CA10: variants seen among roughly 807,000 people sequenced by gnomAD.
CA10 encodes the protein carbonic anhydrase-related protein 10.
A neutral mutation model predicts 44.2 loss-of-function variants in CA10; 14 were observed. The observed-to-expected ratio is 0.32, with a 90% confidence interval of 0.21 to 0.50. CA10 has a LOEUF of 0.50. Among genes scored for constraint, CA10 ranks in the 20% least tolerant of loss-of-function variants. The pLI is 0.99. For synonymous variants in CA10, 159 were observed against 141.6 expected, an observed-to-expected ratio of 1.12 and a Z score of -0.87; for missense variants, 350 against 409.7, an observed-to-expected ratio of 0.85 and a Z score of 1.26.
At chr17:51,661,108 T>C (rs1913991699) in intron 4 of CA10, among the ~76,000 whole-genome samples, 1 of 152,182 alleles carries the variant, frequency 6.6e-6, no homozygotes, top group African/African-American at 2.4e-5. Context: ...ATTCGTTGTG[T>C]GACTGATGAA....
At chr17:51,677,316 C>T (rs147681272) in intron 4 of CA10, among the ~76,000 whole-genome samples, 281 of 152,140 alleles carry the variant, frequency 1.8e-3, no homozygotes, top group Middle Eastern at 3.4e-3. Flanking sequence ...CACTGTGGGC[C>T]GTTCTTGTGA....
At chr17:51,922,676 C>T (rs992957872) in intron 3 of CA10, among the ~76,000 whole-genome samples, 1 of 152,096 alleles carries the variant, frequency 6.6e-6, no homozygotes, top group African/African-American at 2.4e-5. Context: ...GATTCTATCA[C>T]CATAATCTTA....
intron 3 of CA10, among the ~76,000 whole-genome samples, chr17:51,807,529 G>T (rs1299353568): frequency 6.6e-6 from 1 of 152,138 alleles, no homozygotes; most frequent in Non-Finnish European, 1.5e-5. Flanking sequence ...ACACTTAAAT[G>T]CTTATATCTG....
At chr17:51,909,538 G>A (rs1312838271) in intron 3 of CA10, among the ~76,000 whole-genome samples, 1 of 152,108 alleles carries the variant, frequency 6.6e-6, no homozygotes, top group Non-Finnish European at 1.5e-5. Context: ...GAAATAAAAA[G>A]CAATCCTTTA....
chr17:51,929,592 C>T (rs996804767), intron 3 of CA10, among the ~76,000 whole-genome samples: 6 of 152,152 alleles, frequency 3.9e-5, no homozygotes, highest in Admixed American at 3.9e-4. Context: ...TTATCCCCTA[C>T]ATCACCCTCT....
intron 1 of CA10, chr17:52,134,954 C>A: frequency 1.9e-6 from 1 of 519,064 alleles, no homozygotes; most frequent in South Asian, 1.4e-5. Flanking sequence ...CTGATGCTGG[C>A]CATTGCTCTC....
chr17:51,879,162 T>G (rs1980249783), intron 3 of CA10, among the ~76,000 whole-genome samples: 1 of 151,968 alleles, frequency 6.6e-6, no homozygotes, highest in Non-Finnish European at 1.5e-5. Context: ...TATCAGTTGG[T>G]TATCACACTT....
intron 2 of CA10, among the ~76,000 whole-genome samples, chr17:52,060,008 T>A (rs749004956): frequency 6.6e-6 from 1 of 152,192 alleles, no homozygotes; most frequent in Non-Finnish European, 1.5e-5. Flanking sequence ...CAACTAAAGA[T>A]CAATCTCTAG....
At chr17:51,875,667 A>T (rs1980037174) in intron 3 of CA10, among the ~76,000 whole-genome samples, 2 of 151,958 alleles carry the variant, frequency 1.3e-5, no homozygotes, top group South Asian at 2.1e-4. Flanking sequence ...AAAGTTATTT[A>T]TATTACTAAA....
At position 52,043,888 on chromosome 17, in the gene CA10, T is replaced by C. The variant is rs182179886; in HGVS notation, c.136+28431A>G. Among the ~76,000 whole-genome samples the C allele has an allele frequency of 1.6e-3, 245 of 152,246 alleles. 1 individual carries two copies. The highest frequency in any genetic ancestry group is 5.8e-3 in the African/African-American group (241 of 41,558). On this transcript the variant is annotated intron_variant, in intron 2 of 8. Transcript: ENST00000451037. Reference sequence around the variant, plus strand: ...CTTCTGTATGTTAAACCATCCTTACTTTCCAGTGATAAATCCTACTTGATC... The same window carrying C: ...CTTCTGTATGTTAAACCATCCTTACCTTCCAGTGATAAATCCTACTTGATC...
chr17:51,970,028 T>C (rs115418602), intron 2 of CA10, among the ~76,000 whole-genome samples: 75 of 152,108 alleles, frequency 4.9e-4, no homozygotes, highest in African/African-American at 1.8e-3. Flanking sequence ...AAAGAATAGC[T>C]AGCTCAAGGA....
chr17:51,981,357 C>T (rs950336489), intron 2 of CA10, among the ~76,000 whole-genome samples: 1 of 151,830 alleles, frequency 6.6e-6, no homozygotes, highest in Non-Finnish European at 1.5e-5. Flanking sequence ...AAGCAAAGAT[C>T]GATTGACACA....
chr17:51,821,055 CCCTCCCTCTCTCCCTT>C (rs1907770072), intron 3 of CA10, among the ~76,000 whole-genome samples: 1 of 111,898 alleles, frequency 8.9e-6, no homozygotes, highest in Admixed American at 8.8e-5. Flanking sequence ...CTCCCTCCCT[CCCTCCCTCTCTCCCTT>C]CCTTCCTCCC....
chr17:51,877,021 G>A (rs1379467748), intron 3 of CA10, among the ~76,000 whole-genome samples: 1 of 152,214 alleles, frequency 6.6e-6, no homozygotes, highest in African/African-American at 2.4e-5. Context: ...CTCCTCACTT[G>A]AGAAAGTTTC....
chr17:51,845,028 G>T (rs1461288126), intron 3 of CA10, among the ~76,000 whole-genome samples: 1 of 152,150 alleles, frequency 6.6e-6, no homozygotes. Flanking sequence ...ATATTGGAAT[G>T]ATGCATTTAC....
chr17:51,830,992 A>G (rs1908219910), intron 3 of CA10, among the ~76,000 whole-genome samples: 1 of 152,128 alleles, frequency 6.6e-6, no homozygotes. Context: ...ACCTATATCA[A>G]TCGAATATAC....
intron 6 of CA10, among the ~76,000 whole-genome samples, chr17:51,642,852 A>G (rs141738249): frequency 6.6e-6 from 1 of 152,284 alleles, no homozygotes; most frequent in Non-Finnish European, 1.5e-5. Flanking sequence ...CATGGTGGCC[A>G]GGCTCGTCTT....
rs776044844 is a variant in CA10 at position 52,097,082 on chromosome 17, CTCAT to C, written c.62-24693_62-24690del. On this transcript the variant is annotated intron_variant, in intron 1 of 8. Coordinates refer to ENST00000451037, the MANE Select transcript of CA10 (RefSeq NM_020178.5). ...CTGCAATGAATATCCTTGTGTAGAT[CTCAT>C]TGTTTATGAACTAGGATATCCCATT... Among the ~76,000 whole-genome samples the C allele has an allele frequency of 3.3e-5, 5 of 151,956 alleles. No individual in the cohort carries two copies. In the South Asian group the frequency reaches 1.0e-3, roughly 32 times the overall value.
intron 1 of CA10, among the ~76,000 whole-genome samples, chr17:52,136,298 C>T (rs1044263357): frequency 6.6e-5 from 10 of 152,276 alleles, no homozygotes; most frequent in African/African-American, 2.2e-4. Context: ...TATTTATCTT[C>T]GCTCTGGAGC....
Sources: allele counts gnomAD v4.1 joint callset (sites outside exome capture counted in the v4.1 genomes callset), GRCh38; gene constraint gnomAD v4.1.1; transcripts MANE v1.5; gene names NCBI Gene and HGNC (gene_info 2026-07-23, HGNC 2026-07-21).